Variants in ACAD10 observed in about 807,000 individuals in gnomAD.
The protein encoded by ACAD10 is acyl-CoA dehydrogenase family member 10, also known as ACAD-10.
Under a neutral mutation model 116.8 loss-of-function variants are expected in ACAD10, and 112 were observed. The ratio of observed to expected loss-of-function variants is 0.96; its 90% CI spans 0.82 to 1.12. The LOEUF (loss-of-function observed/expected upper bound fraction) is 1.12, where lower values mean the gene tolerates loss of function less well. ACAD10 is among the 50% of genes most tolerant of loss of function. The pLI is 0.00. For missense variants in ACAD10, 1,259 were observed against 1,350.2 expected, an observed-to-expected ratio of 0.93 and a Z score of 1.06; for synonymous variants, 486 against 510.6, an observed-to-expected ratio of 0.95 and a Z score of 0.65.
At chr12:111,730,686 C>T (rs1889360951) in intron 10 of ACAD10, among the ~76,000 whole-genome samples, 1 of 151,846 alleles carries the variant, frequency 6.6e-6, no homozygotes, top group African/African-American at 2.4e-5. Flanking sequence ...TCTTGCCCAT[C>T]TGGGGACTCA....
At chr12:111,712,963 ATTTTACAG>A (rs1888730418) in intron 6 of ACAD10, among the ~76,000 whole-genome samples, 2 of 152,104 alleles carry the variant, frequency 1.3e-5, no homozygotes, top group South Asian at 4.1e-4. Flanking sequence ...TGCTCAGAGG[ATTTTACAG>A]TTTCTAATGC....
At chr12:111,740,072 G>T (rs979004267) in intron 12 of ACAD10, among the ~76,000 whole-genome samples, 6 of 152,170 alleles carry the variant, frequency 3.9e-5, no homozygotes, top group African/African-American at 1.4e-4. Flanking sequence ...GGCAGGGAAT[G>T]AAACCAGACT....
chr12:111,728,928 G>T (rs1889307268), intron 9 of ACAD10, among the ~76,000 whole-genome samples: 1 of 152,142 alleles, frequency 6.6e-6, no homozygotes, highest in East Asian at 1.9e-4. Flanking sequence ...GCGCTCAAGT[G>T]ATTTGGCCTC....
intron 3 of ACAD10, among the ~76,000 whole-genome samples, chr12:111,704,128 G>A (rs968422202): frequency 2.0e-5 from 3 of 151,140 alleles, no homozygotes; most frequent in African/African-American, 7.3e-5. Flanking sequence ...TAATGGGTAC[G>A]GTTTACTTTT....
chr12:111,714,905 G>A (rs1321577351), intron 6 of ACAD10, among the ~76,000 whole-genome samples: 3 of 151,840 alleles, frequency 2.0e-5, no homozygotes, highest in East Asian at 2.0e-4. Flanking sequence ...TAGTAGAGAC[G>A]GGGTTTCACC....
intron 12 of ACAD10, 145 bp from the exon 13 acceptor site, chr12:111,744,498 T>C: frequency 1.0e-6 from 1 of 956,584 alleles, no homozygotes; most frequent in Non-Finnish European, 1.6e-6. Flanking sequence ...TTCAGTGAGC[T>C]ATAGTGGCTC....
intron 5 of ACAD10, 22 bp downstream of exon 5, chr12:111,709,706 A>G (rs763080126): frequency 2.5e-6 from 4 of 1,590,482 alleles, no homozygotes; most frequent in Non-Finnish European, 3.4e-6. Flanking sequence ...TAATTTTTGA[A>G]CTCCCTCCCA....
chr12:111,748,260 G>C (rs761335709), intron 16 of ACAD10, 57 bp from the exon 17 acceptor site: 2 of 1,603,604 alleles, frequency 1.2e-6, no homozygotes, highest in Non-Finnish European at 1.7e-6. Context: ...CACGTGTGTA[G>C]AGATTTGATG....
In ACAD10 at chr12:111,757,008, A is replaced by G. The variant is rs1250918865; in HGVS notation, c.*535A>G. On this transcript the variant is annotated 3_prime_UTR_variant, in exon 21 of 21. Coordinates refer to ENST00000313698, the MANE Select transcript of ACAD10 (RefSeq NM_025247.6). Reference sequence around the variant, plus strand: ...AAGCCACTGGCATCTGATTATCTCCATTTGAACACACAGCACAGAACAATC... The same window carrying G: ...AAGCCACTGGCATCTGATTATCTCCGTTTGAACACACAGCACAGAACAATC... The G allele has an allele frequency of 9.8e-6, 4 of 409,152 alleles. No individual in the cohort carries two copies. Among genetic ancestry groups the G allele is most frequent in the African/African-American group, 8.3e-5 (4 of 48,404 alleles). 25.3% of individuals were successfully genotyped at this position (409,152 alleles called of 1,614,324 possible). A position where few individuals can be genotyped will look rare whatever the true frequency, so the allele number is the denominator to read the frequency against.
intron 4 of ACAD10, among the ~76,000 whole-genome samples, chr12:111,706,782 A>ATATATTTT (rs778649893): frequency 7.9e-6 from 1 of 126,502 alleles, no homozygotes; most frequent in African/African-American, 3.2e-5. Context: ...ATATATATAT[A>ATATATTTT]TTTTTTTTTT....
chr12:111,740,461 A>C, intron 12 of ACAD10, among the ~76,000 whole-genome samples: 1 of 131,308 alleles, frequency 7.6e-6, no homozygotes. Flanking sequence ...ACTCCATCTC[A>C]AAAAAAAAAA....
At position 111,753,835 on chromosome 12, in the gene ACAD10, G is replaced by A. The variant is rs369992766; in HGVS notation, c.2881G>A (p.Ala961Thr). ...VEQGTVLADI[A>T]QSRVEIEQAR... The stretch of plus-strand genomic sequence containing the variant: ...GCAGGGCACAGTGCTGGCGGACATC[G>A]CGCAGTCGCGCGTGGAGATTGAGCA... The change falls in exon 19 of 21, where the codon GCG becomes ACG. Residue 961 changes from alanine to threonine, a missense_variant. Transcript: ENST00000313698. The A allele has an allele frequency of 5.6e-6, 9 of 1,614,024 alleles. No individual in the cohort carries two copies. The highest frequency in any genetic ancestry group is 1.7e-4 in the Middle Eastern group (1 of 6,040).
chr12:111,728,761 C>G (rs959445884), intron 9 of ACAD10, among the ~76,000 whole-genome samples: 16 of 150,414 alleles, frequency 1.1e-4, no homozygotes, highest in Non-Finnish European at 2.2e-4. Context: ...GTGATCTCGG[C>G]TCACTGCAGC....
chr12:111,695,228 G>A (rs1238053851), intron 2 of ACAD10, among the ~76,000 whole-genome samples: 3 of 152,158 alleles, frequency 2.0e-5, no homozygotes, highest in Non-Finnish European at 4.4e-5. Context: ...GCATGTTTGT[G>A]CCTTTGCAAG....
rs1266702641 is a variant in ACAD10 at position 111,702,273 on chromosome 12, G to GT, written c.305dup (p.Leu102PhefsTer10). On this transcript the variant is annotated frameshift_variant, in exon 3 of 21. Coordinates refer to ENST00000313698, the MANE Select transcript of ACAD10 (RefSeq NM_025247.6). LOFTEE classifies it high-confidence loss of function. Reference sequence around the variant, plus strand: ...ATGAGAGCAGAAATAACAGCAGAGGGTTTTTTACGAGAATTTGGGAGACTT... The same window carrying GT: ...ATGAGAGCAGAAATAACAGCAGAGGGTTTTTTTACGAGAATTTGGGAGACTT... The GT allele has an allele frequency of 6.2e-7, 1 of 1,614,096 alleles. No homozygotes were observed. Among genetic ancestry groups the GT allele is most frequent in the Non-Finnish European group, 8.5e-7 (1 of 1,180,004 alleles).
At chr12:111,724,296 G>T (rs1333410950) in intron 8 of ACAD10, among the ~76,000 whole-genome samples, 1 of 151,958 alleles carries the variant, frequency 6.6e-6, no homozygotes, top group Non-Finnish European at 1.5e-5. Context: ...TGGCGGCGGG[G>T]CGGAGACGCT....
At chr12:111,723,021 C>G (rs1297868732) in intron 8 of ACAD10, among the ~76,000 whole-genome samples, 5 of 145,114 alleles carry the variant, frequency 3.4e-5, no homozygotes, top group South Asian at 4.4e-4. Context: ...GGGGCTGACC[C>G]CCCCCCACCT....
At chr12:111,742,459 G>T (rs1341612995) in intron 12 of ACAD10, among the ~76,000 whole-genome samples, 3 of 152,160 alleles carry the variant, frequency 2.0e-5, no homozygotes, top group Non-Finnish European at 2.9e-5. Context: ...GACCTATTGA[G>T]GTCCAGTAGG....
At position 111,753,786 on chromosome 12, in the gene ACAD10, G is replaced by A. The variant is rs767138531; in HGVS notation, c.2832G>A (p.Leu944=). The change falls in exon 19 of 21, where the codon TTG becomes TTA. Residue 944 remains leucine (L), a synonymous_variant. Transcript: ENST00000313698. ...TGTGTCGACAGGTGAAGTCCCGCTT[G>A]GCTTTTGGGAAGCCCCTGGTGGAGC... ...ALMKARVKSR[L]AFGKPLVEQG... 2 of 1,613,876 alleles carry A rather than the reference G, an allele frequency of 1.2e-6. No homozygotes were observed. Among genetic ancestry groups the A allele is most frequent in the African/African-American group, 1.3e-5 (1 of 74,952 alleles).
Sources: gnomAD v4.1 joint callset for allele counts (sites outside exome capture counted in the v4.1 genomes callset) on GRCh38, gnomAD v4.1.1 for gene constraint, MANE v1.5 for transcripts, NCBI Gene and HGNC (gene_info 2026-07-23, HGNC 2026-07-21) for gene names.